The following SLC37A3 variants were observed in gnomAD, a reference collection of about 807,000 sequenced individuals.
SLC37A3 encodes solute carrier family 37 member 3, also known as sugar phosphate exchanger 3.
SLC37A3 carries 51 observed loss-of-function variants against 67.1 expected under a neutral mutation model. The ratio of observed to expected loss-of-function variants is 0.76; its 90% CI spans 0.61 to 0.96. The LOEUF is 0.96. Ranked by LOEUF, SLC37A3 falls within the 40% of genes least tolerant of loss-of-function variation. SLC37A3 has a pLI of 0.00. For missense variants in SLC37A3, 508 were observed against 603.0 expected, an observed-to-expected ratio of 0.84 and a Z score of 1.65; for synonymous variants, 214 against 231.4, an observed-to-expected ratio of 0.92 and a Z score of 0.68.
intron 3 of SLC37A3, among the ~76,000 whole-genome samples, chr7:140,375,050 G>A (rs916597734): frequency 8.8e-5 from 9 of 102,534 alleles, no homozygotes; most frequent in African/African-American, 2.9e-4. Flanking sequence ...GGAGGCTGAG[G>A]CAGAAGAATC....
Position 140,345,263 on chromosome 7 carries a change from C to CGA in SLC37A3, c.1127-1_1127insTC (p.Arg376LeufsTer13). ...ATTGATGGACTTATCATTTGGAGAACCTGTGAGGGAAGACACAGACAAACC... is the reference window on the plus strand; with the variant it reads ...ATTGATGGACTTATCATTTGGAGAACGACTGTGAGGGAAGACACAGACAAACC... On this transcript the variant is annotated frameshift_variant and splice_region_variant. Transcript: ENST00000326232. LOFTEE classifies it high-confidence loss of function. The CGA allele has an allele frequency of 3.3e-5, 53 of 1,613,748 alleles. No homozygotes were observed. Among genetic ancestry groups the CGA allele is most frequent in the Middle Eastern group, 1.7e-4 (1 of 6,060 alleles).
At chr7:140,362,707 G>A (rs1176316829) in intron 5 of SLC37A3, among the ~76,000 whole-genome samples, 5 of 74,808 alleles carry the variant, frequency 6.7e-5, no homozygotes, top group East Asian at 5.4e-4. Flanking sequence ...CCGGCCAGCC[G>A]CCCAGTCCGG....
intron 13 of SLC37A3, among the ~76,000 whole-genome samples, chr7:140,338,638 A>AT (rs1324685151): frequency 6.6e-6 from 1 of 151,760 alleles, no homozygotes; most frequent in East Asian, 1.9e-4. Flanking sequence ...TGCTCGGCTA[A>AT]TTTTTCTATT....
At chr7:140,362,908 G>T (rs1585309065) in intron 5 of SLC37A3, among the ~76,000 whole-genome samples, 2 of 63,212 alleles carry the variant, frequency 3.2e-5, no homozygotes, top group Admixed American at 1.4e-4. Context: ...AGGCGGGGGG[G>T]GGGGTCGGCC....
chr7:140,367,124 C>T (rs1797632581), intron 4 of SLC37A3, among the ~76,000 whole-genome samples: 1 of 149,598 alleles, frequency 6.7e-6, no homozygotes, highest in Non-Finnish European at 1.5e-5. Context: ...GGCAACACAG[C>T]AAGACTCCAT....
Position 140,345,989 on chromosome 7 carries a change from G to A in SLC37A3, c.1025-19C>T, listed in dbSNP as rs555960644. ...GTTCCACCTTCAAGCAGAGTGTCGAGCAATCAAAATCACTTCTAATTTAGC... is the reference window on the plus strand; with the variant it reads ...GTTCCACCTTCAAGCAGAGTGTCGAACAATCAAAATCACTTCTAATTTAGC... On this transcript the variant is annotated intron_variant, in intron 10 of 14. Transcript: ENST00000326232. The A allele has an allele frequency of 1.2e-5, 19 of 1,588,584 alleles. No individual in the cohort carries two copies. Among genetic ancestry groups the A allele is most frequent in the Non-Finnish European group, 1.6e-5 (19 of 1,157,312 alleles).
rs1354575273 is a variant in SLC37A3 at position 140,337,356 on chromosome 7, G to C, written c.1327-7C>G. 7 of 1,565,160 alleles carry C rather than the reference G, an allele frequency of 4.5e-6. No homozygotes were observed. The highest frequency in any genetic ancestry group is 8.6e-7 in the Non-Finnish European group (1 of 1,160,148). ...GGATCAGAGACACTAAATACTGAAA[G>C]GGAGGAAAAAAAAATTACAATATAA... On this transcript the variant is annotated splice_polypyrimidine_tract_variant and splice_region_variant and intron_variant, in intron 13 of 14. Transcript: ENST00000326232.
chr7:140,341,808 A>C (rs1384596290), intron 13 of SLC37A3, among the ~76,000 whole-genome samples: 1 of 152,232 alleles, frequency 6.6e-6, no homozygotes, highest in East Asian at 1.9e-4. Context: ...TTCGTAAGGA[A>C]GGATAACTTA....
At chr7:140,338,998 C>T (rs754550481) in intron 13 of SLC37A3, among the ~76,000 whole-genome samples, 4 of 151,464 alleles carry the variant, frequency 2.6e-5, no homozygotes, top group Non-Finnish European at 5.9e-5. Context: ...CTCAGGTGAT[C>T]CACCCACCTC....
chr7:140,385,615 G>A (rs543273010), intron 1 of SLC37A3, among the ~76,000 whole-genome samples: 3 of 152,262 alleles, frequency 2.0e-5, no homozygotes, highest in Non-Finnish European at 4.4e-5. Flanking sequence ...CAATAGAGCT[G>A]CATAACCTAG....
rs78407543 is a variant in SLC37A3, at chr7:140,397,877, C to T, written c.-71+539G>A. ...AAAACTGAGAATAAACAGAACACAC[C>T]CTGCGAAGAATAAGGAGGGAATGAC... is the stretch of plus-strand genomic sequence containing the variant. On this transcript the variant is annotated intron_variant, in intron 1 of 14. Coordinates refer to ENST00000326232, the MANE Select transcript of SLC37A3 (RefSeq NM_207113.3). 4.0e-3 allele frequency among the ~76,000 whole-genome samples: 614 copies of T among 152,198 alleles called. 4 individuals are homozygous for T. The highest frequency in any genetic ancestry group is 0.014 in the African/African-American group (570 of 41,516).
At position 140,351,381 on chromosome 7, in the gene SLC37A3, T is replaced by G. The variant is rs745333990; in HGVS notation, c.774A>C (p.Glu258Asp). The G allele has an allele frequency of 1.2e-6, 2 of 1,614,228 alleles. No homozygotes were observed. The highest frequency in any genetic ancestry group is 2.2e-5 in the East Asian group (1 of 44,878). Residue 258 changes from glutamate to aspartate, a missense_variant, in exon 9 of 15, where the codon GAA (glutamate) becomes GAC (aspartate). Glu to Asp is a conservative substitution (Grantham distance 45). Coordinates refer to ENST00000326232, the MANE Select transcript of SLC37A3 (RefSeq NM_207113.3). ...DSHRPLINGG[E>D]NEDEYEPNYS... ...AATTCGGCTCATATTCGTCTTCATT[T>G]TCACCACCATTAATTAATGGCCTGT...
intron 5 of SLC37A3, among the ~76,000 whole-genome samples, chr7:140,364,122 G>C (rs1177064715): frequency 6.6e-6 from 1 of 152,046 alleles, no homozygotes; most frequent in Non-Finnish European, 1.5e-5. Flanking sequence ...GTGGTGAGCT[G>C]TACCTATAGT....
intron 3 of SLC37A3, among the ~76,000 whole-genome samples, chr7:140,378,346 C>A (rs548385376): frequency 2.3e-3 from 348 of 152,288 alleles, no homozygotes; most frequent in Non-Finnish European, 4.1e-3. Flanking sequence ...ACTACTGAAG[C>A]AGAAGCTGGA....
intron 12 of SLC37A3, 82 bp from the exon 13 acceptor site, chr7:140,343,645 T>C (rs1796446537): frequency 8.5e-6 from 12 of 1,405,766 alleles, no homozygotes; most frequent in Non-Finnish European, 1.2e-5. Context: ...AATATCCGAA[T>C]AGTTTTCTTA....
At chr7:140,392,715 C>T (rs919787749) in intron 1 of SLC37A3, among the ~76,000 whole-genome samples, 4 of 152,124 alleles carry the variant, frequency 2.6e-5, no homozygotes, top group African/African-American at 9.7e-5. Flanking sequence ...GAGGAGCCTG[C>T]CTGAGCCAAT....
At chr7:140,392,616 C>T (rs1003063293) in intron 1 of SLC37A3, among the ~76,000 whole-genome samples, 1 of 152,136 alleles carries the variant, frequency 6.6e-6, no homozygotes, top group Non-Finnish European at 1.5e-5. Flanking sequence ...TTTGCCACAG[C>T]CTTTAAAGCC....
intron 5 of SLC37A3, among the ~76,000 whole-genome samples, chr7:140,362,537 C>T (rs1159492287): frequency 3.8e-5 from 5 of 132,234 alleles, no homozygotes; most frequent in African/African-American, 1.4e-4. Flanking sequence ...CCGCCCCGTC[C>T]GGGAGGGAGG....
At chr7:140,380,162 G>C in intron 3 of SLC37A3, 120 bp downstream of exon 3, 1 of 535,478 alleles carries the variant, frequency 1.9e-6, no homozygotes, top group Non-Finnish European at 3.3e-6. Context: ...TTATGTGATA[G>C]GAAACAGTGA....
Sources: allele counts gnomAD v4.1 joint callset (sites outside exome capture counted in the v4.1 genomes callset), GRCh38; gene constraint gnomAD v4.1.1; transcripts MANE v1.5; gene names NCBI Gene and HGNC (gene_info 2026-07-23, HGNC 2026-07-21).